The following CFAP299 variants were observed in gnomAD, a reference collection of about 807,000 sequenced individuals.
CFAP299 encodes cilia and flagella associated protein 299.
CFAP299 carries 21 observed loss-of-function variants against 27.0 expected under a neutral mutation model. The observed-to-expected ratio is 0.78, with a 90% CI of 0.55 to 1.12. The LOEUF (loss-of-function observed/expected upper bound fraction) is 1.12, where lower values mean the gene tolerates loss of function less well. CFAP299 is among the 50% of genes most tolerant of loss of function. The pLI is 0.00. For synonymous variants in CFAP299, 104 were observed against 98.1 expected (o/e 1.06, Z -0.36); for missense variants, 310 against 276.6 (o/e 1.12, Z -0.86).
In CFAP299 at chr4:80,662,239, G is replaced by A. The variant is rs189601139; in HGVS notation, c.333+79056G>A. Among the ~76,000 whole-genome samples the A allele has an allele frequency of 8.1e-4, 124 of 152,160 alleles. 1 individual carries two copies. Among genetic ancestry groups the A allele is most frequent in the African/African-American group, 2.8e-3 (116 of 41,530 alleles). Reference sequence around the variant, plus strand: ...TGAAAATCACTAATAAAAATTTGCTGGTTTTACGGCTCAGGGGGCATCACA... The same window carrying A: ...TGAAAATCACTAATAAAAATTTGCTAGTTTTACGGCTCAGGGGGCATCACA... On this transcript the variant is annotated intron_variant, in intron 3 of 5. Coordinates refer to ENST00000358105, the MANE Select transcript of CFAP299 (RefSeq NM_152770.3).
chr4:80,598,170 G>A (rs1737153024), intron 3 of CFAP299, among the ~76,000 whole-genome samples: 1 of 152,142 alleles, frequency 6.6e-6, no homozygotes, highest in Non-Finnish European at 1.5e-5. Context: ...TTATGCTAAA[G>A]AGTTTAGCAT....
At chr4:80,451,654 A>G (rs1303295042) in intron 2 of CFAP299, among the ~76,000 whole-genome samples, 1 of 152,210 alleles carries the variant, frequency 6.6e-6, no homozygotes. Context: ...GAATCTTTTG[A>G]CAACATAATA....
chr4:80,657,580 G>C (rs1035318863), intron 3 of CFAP299, among the ~76,000 whole-genome samples: 2 of 151,860 alleles, frequency 1.3e-5, no homozygotes, highest in African/African-American at 4.8e-5. Context: ...CTGTTCTATT[G>C]GTCTATATCT....
intron 3 of CFAP299, among the ~76,000 whole-genome samples, chr4:80,584,957 G>T (rs1401079652): frequency 6.6e-6 from 1 of 151,970 alleles, no homozygotes; most frequent in East Asian, 1.9e-4. Flanking sequence ...CAATGTGACA[G>T]GTGCTATGGA....
At chr4:80,587,389 C>T (rs186210207) in intron 3 of CFAP299, among the ~76,000 whole-genome samples, 3 of 151,964 alleles carry the variant, frequency 2.0e-5, no homozygotes, top group African/African-American at 4.8e-5. Flanking sequence ...CAGGAAAGAG[C>T]GAAGGTTATG....
chr4:80,546,849 C>T (rs527834940), intron 2 of CFAP299, among the ~76,000 whole-genome samples: 43 of 152,236 alleles, frequency 2.8e-4, no homozygotes, highest in African/African-American at 9.9e-4. Flanking sequence ...TCAATTATAC[C>T]TCTTTTCTTT....
intron 2 of CFAP299, among the ~76,000 whole-genome samples, chr4:80,438,801 T>C (rs1450827123): frequency 6.6e-6 from 1 of 152,236 alleles, no homozygotes; most frequent in African/African-American, 2.4e-5. Context: ...ATAGAATTGG[T>C]AAATGTATTA....
chr4:80,434,897 C>A (rs1267832822), intron 2 of CFAP299, among the ~76,000 whole-genome samples: 1 of 152,078 alleles, frequency 6.6e-6, no homozygotes, highest in Non-Finnish European at 1.5e-5. Flanking sequence ...CAAGCTGAGA[C>A]CAAACATTAG....
intron 2 of CFAP299, among the ~76,000 whole-genome samples, chr4:80,423,178 G>A (rs1170103525): frequency 6.6e-6 from 1 of 152,206 alleles, no homozygotes; most frequent in Non-Finnish European, 1.5e-5. Context: ...TATGTGGTCT[G>A]TATGACTGCA....
intron 3 of CFAP299, among the ~76,000 whole-genome samples, chr4:80,665,923 C>T (rs1454645151): frequency 6.6e-6 from 1 of 152,090 alleles, no homozygotes; most frequent in African/African-American, 2.4e-5. Context: ...GAGATGCCTG[C>T]TCCCTCTTTG....
intron 3 of CFAP299, among the ~76,000 whole-genome samples, chr4:80,791,069 C>T (rs1578127080): frequency 6.6e-6 from 1 of 152,054 alleles, no homozygotes; most frequent in Non-Finnish European, 1.5e-5. Flanking sequence ...GCAAAATAAC[C>T]TTATAAGTTT....
chr4:80,508,910 G>A (rs750144147), intron 2 of CFAP299, among the ~76,000 whole-genome samples: 1 of 152,092 alleles, frequency 6.6e-6, no homozygotes, highest in East Asian at 1.9e-4. Flanking sequence ...ACACCAGAAC[G>A]GGCCAAATGA....
At chr4:80,464,851 A>G (rs2110109905) in intron 2 of CFAP299, among the ~76,000 whole-genome samples, 1 of 152,168 alleles carries the variant, frequency 6.6e-6, no homozygotes, top group South Asian at 2.1e-4. Context: ...GATCCTGTGA[A>G]TTTCAGTGAA....
At chr4:80,509,501 A>G (rs1285288163) in intron 2 of CFAP299, among the ~76,000 whole-genome samples, 1 of 152,196 alleles carries the variant, frequency 6.6e-6, no homozygotes, top group Non-Finnish European at 1.5e-5. Flanking sequence ...TGTCATATCC[A>G]TTCATTTTAG....
chr4:80,956,967 T>C (rs1298149225), intron 5 of CFAP299, among the ~76,000 whole-genome samples: 1 of 152,172 alleles, frequency 6.6e-6, no homozygotes, highest in Non-Finnish European at 1.5e-5. Flanking sequence ...TACTGATTTC[T>C]CTTTCTGATA....
chr4:80,925,602 T>C (rs1327451764), intron 4 of CFAP299, among the ~76,000 whole-genome samples: 1 of 151,696 alleles, frequency 6.6e-6, no homozygotes, highest in Non-Finnish European at 1.5e-5. Flanking sequence ...TACTGACAAA[T>C]GAAAGAGGAG....
chr4:80,842,220 C>A (rs1460716640), intron 3 of CFAP299, among the ~76,000 whole-genome samples: 1 of 152,094 alleles, frequency 6.6e-6, no homozygotes, highest in Non-Finnish European at 1.5e-5. Context: ...CTAACTCTGA[C>A]TTTTTACCAT....
intron 3 of CFAP299, among the ~76,000 whole-genome samples, chr4:80,863,302 C>A (rs2110161225): frequency 6.6e-6 from 1 of 151,146 alleles, no homozygotes; most frequent in African/African-American, 2.4e-5. Context: ...CAAGAAAAAT[C>A]AGGCAACACA....
intron 3 of CFAP299, among the ~76,000 whole-genome samples, chr4:80,745,616 A>C (rs1724540253): frequency 6.6e-6 from 1 of 152,068 alleles, no homozygotes; most frequent in Admixed American, 6.6e-5. Flanking sequence ...TATACCACAA[A>C]TTCAGTTTAT....
Sources: gnomAD v4.1 joint callset for allele counts (sites outside exome capture counted in the v4.1 genomes callset) on GRCh38, gnomAD v4.1.1 for gene constraint, MANE v1.5 for transcripts, NCBI Gene and HGNC (gene_info 2026-07-23, HGNC 2026-07-21) for gene names.